NFASC: variants seen among roughly 807,000 people sequenced by gnomAD.
NFASC encodes the protein neurofascin.
A neutral mutation model predicts 147.5 loss-of-function variants in NFASC; 43 were observed. The ratio of observed to expected loss-of-function variants is 0.29; its 90% confidence interval spans 0.23 to 0.38. The LOEUF (loss-of-function observed/expected upper bound fraction) is 0.38, where lower values mean the gene tolerates loss of function less well. NFASC is among the 10% of genes least tolerant of loss of function. NFASC has a pLI of 1.00. For synonymous variants in NFASC, 622 were observed against 665.5 expected (o/e 0.93, Z 1.01); for missense variants, 1,320 against 1,689.0 (o/e 0.78, Z 3.83).
chr1:204,836,167 C>CGT (rs372071605), intron 1 of NFASC, among the ~76,000 whole-genome samples: 22 of 150,660 alleles, frequency 1.5e-4, no homozygotes, highest in South Asian at 4.2e-4. Flanking sequence ...TCTGTGTGTG[C>CGT]GTGTGTGTGT....
chr1:204,916,214 A>T (rs943202127), intron 1 of NFASC, among the ~76,000 whole-genome samples: 2 of 152,172 alleles, frequency 1.3e-5, no homozygotes, highest in African/African-American at 2.4e-5. Flanking sequence ...AAATTGGAAG[A>T]TATCAGGTGC....
intron 25 of NFASC, 99 bp downstream of exon 25, chr1:204,997,505 G>A (rs1482950855): frequency 1.4e-6 from 2 of 1,395,498 alleles, no homozygotes; most frequent in African/African-American, 1.4e-5. Context: ...GGTGGGGTCT[G>A]GGGTGGTGTT....
intron 28 of NFASC, 89 bp from the exon 29 acceptor site, chr1:205,012,708 C>T: frequency 2.0e-6 from 2 of 985,734 alleles, no homozygotes. Context: ...AGGGCGGTGC[C>T]TTCTGGCCCT....
chr1:204,847,687 T>A (rs946178358), intron 1 of NFASC, among the ~76,000 whole-genome samples: 1 of 152,298 alleles, frequency 6.6e-6, no homozygotes, highest in South Asian at 2.1e-4. Context: ...CTCCTCTACC[T>A]TTTTTCTCCA....
At chr1:204,928,199 T>G (rs1225693541) in intron 2 of NFASC, among the ~76,000 whole-genome samples, 1 of 152,170 alleles carries the variant, frequency 6.6e-6, no homozygotes, top group African/African-American at 2.4e-5. Flanking sequence ...AGCCAGCCCT[T>G]CACAGGGTGT....
intron 1 of NFASC, among the ~76,000 whole-genome samples, chr1:204,898,125 T>C (rs540396391): frequency 4.9e-4 from 75 of 152,306 alleles, no homozygotes; most frequent in Non-Finnish European, 8.2e-4. Context: ...TCAAGCAGTC[T>C]TCCCACCTGA....
chr1:204,976,618 G>A, intron 15 of NFASC, 53 bp from the exon 16 acceptor site: 1 of 1,389,576 alleles, frequency 7.2e-7, no homozygotes, highest in Non-Finnish European at 1.0e-6. Flanking sequence ...CAATGGGCAG[G>A]ACTCAGCACT....
chr1:204,975,424 T>TCTTCCCC lies in NFASC; in HGVS notation c.1706+19_1706+25dup, dbSNP rs2095376078. 4 of 1,606,974 alleles carry TCTTCCCC rather than the reference T, an allele frequency of 2.5e-6. No individual in the cohort carries two copies. The highest frequency in any genetic ancestry group is 3.4e-6 in the Non-Finnish European group (4 of 1,174,138). ...CCGCTCTATATTGGAAACAGGTTTC[T>TCTTCCCC]CTTCCCCCTTCCCCCTTCCTAGTGC... On this transcript the variant is annotated splice_region_variant and intron_variant, in intron 15 of 29. Transcript: ENST00000339876. This position sits in a 1 kb window ranked among gnomAD's most constrained non-coding sequence, Gnocchi z 4.0.
At chr1:204,829,419 C>T (rs1671568202) in intron 1 of NFASC, among the ~76,000 whole-genome samples, 1 of 152,058 alleles carries the variant, frequency 6.6e-6, no homozygotes, top group South Asian at 2.1e-4. Context: ...GTCACCTTCC[C>T]TAGCTGCCCT....
At chr1:204,884,138 G>T (rs908632258) in intron 1 of NFASC, among the ~76,000 whole-genome samples, 4 of 152,138 alleles carry the variant, frequency 2.6e-5, no homozygotes, top group Non-Finnish European at 4.4e-5. Flanking sequence ...CTATAATGTG[G>T]CTCTCTCACC....
intron 1 of NFASC, among the ~76,000 whole-genome samples, chr1:204,838,997 C>G (rs1674527846): frequency 6.6e-6 from 1 of 152,232 alleles, no homozygotes; most frequent in African/African-American, 2.4e-5. Context: ...CCTCCATTGG[C>G]CTGCCTAACC....
At chr1:204,873,645 C>G (rs907909083) in intron 1 of NFASC, among the ~76,000 whole-genome samples, 2 of 151,964 alleles carry the variant, frequency 1.3e-5, no homozygotes, top group African/African-American at 4.8e-5. Context: ...ATCTGCGGGT[C>G]ATGTGTGCTA....
rs1217653404 is a variant in NFASC at position 204,957,721 on chromosome 1, A to G, written c.601A>G (p.Asn201Asp). The G allele has an allele frequency of 1.2e-6, 2 of 1,614,166 alleles. No homozygotes were observed. Among genetic ancestry groups the G allele is most frequent in the Non-Finnish European group, 1.7e-6 (2 of 1,179,992 alleles). ...CCATAACGGAGACCTATACTTCTCC[A>G]ACGTGATGCTGCAGGACATGCAGAC... ...QGHNGDLYFS[N>D]VMLQDMQTDY... Residue 201 changes from asparagine (N) to aspartate (D), a missense_variant, in exon 8 of 30, where the codon AAC becomes GAC. Coordinates refer to ENST00000339876, the MANE Select transcript of NFASC (RefSeq NM_001005388.3).
At chr1:204,891,605 C>T (rs1419016272) in intron 1 of NFASC, among the ~76,000 whole-genome samples, 1 of 152,154 alleles carries the variant, frequency 6.6e-6, no homozygotes, top group African/African-American at 2.4e-5. Context: ...GTATTTGGAG[C>T]CCTGTAAACA....
intron 1 of NFASC, among the ~76,000 whole-genome samples, chr1:204,907,860 C>T (rs1248057953): frequency 1.4e-4 from 22 of 152,300 alleles, no homozygotes; most frequent in Non-Finnish European, 5.9e-5. Flanking sequence ...ATTTTATTCT[C>T]AGGAGAAATA....
chr1:204,969,632 C>T (rs1244610227), intron 10 of NFASC, among the ~76,000 whole-genome samples: 1 of 152,138 alleles, frequency 6.6e-6, no homozygotes, highest in Non-Finnish European at 1.5e-5. Context: ...GCTTCAGCAC[C>T]ATACACAAAC....
At chr1:204,997,563 G>C (rs2095874154) in intron 25 of NFASC, 157 bp downstream of exon 25, 1 of 796,550 alleles carries the variant, frequency 1.3e-6, no homozygotes, top group Non-Finnish European at 2.1e-6. Context: ...CCCGTGACTG[G>C]ATGCTCAGTC....
chr1:205,006,967 AG>A (rs1553324360), intron 27 of NFASC, among the ~76,000 whole-genome samples: 2 of 72,992 alleles, frequency 2.7e-5, no homozygotes, highest in Non-Finnish European at 5.4e-5. Context: ...AAGGAGGTGG[AG>A]GTCAGCTTGG....
intron 12 of NFASC, 51 bp from the exon 13 acceptor site, chr1:204,974,128 G>C: frequency 6.9e-7 from 1 of 1,454,970 alleles, no homozygotes; most frequent in Non-Finnish European, 9.5e-7. Flanking sequence ...AGGGGGAAGA[G>C]ATGGAAGAGT....
Sources: gnomAD v4.1 joint callset for allele counts (sites outside exome capture counted in the v4.1 genomes callset) on GRCh38, gnomAD v4.1.1 for gene constraint, Gnocchi (gnomAD v3.1) non-coding constraint, MANE v1.5 for transcripts, NCBI Gene and HGNC (gene_info 2026-07-23, HGNC 2026-07-21) for gene names.